The following RMDN2 variants were observed in gnomAD, a reference collection of about 807,000 sequenced individuals.
The protein encoded by RMDN2 is regulator of microtubule dynamics protein 2.
In RMDN2, 61 loss-of-function variants were observed where a neutral mutation model predicts 52.8. The observed-to-expected ratio is 1.16, with a 90% CI of 0.94 to 1.43. The LOEUF (loss-of-function observed/expected upper bound fraction) is 1.43, where lower values mean the gene tolerates loss of function less well. Among genes scored for constraint, RMDN2 ranks in the 40% most tolerant of loss-of-function variants. The probability of loss-of-function intolerance (pLI) is 0.00; values close to 1 mark genes in which losing one functional copy is unlikely to be tolerated. For missense variants in RMDN2, 592 were observed against 475.3 expected, an observed-to-expected ratio of 1.25 and a Z score of -2.28; for synonymous variants, 180 against 153.1, an observed-to-expected ratio of 1.18 and a Z score of -1.30.
At chr2:38,029,301 CT>C in intron 10 of RMDN2, 1 of 152,338 alleles carries the variant, frequency 6.6e-6, no homozygotes, top group Non-Finnish European at 1.5e-5. Context: ...TTGGGGCCAC[CT>C]TCCCCCATGC....
intron 10 of RMDN2, among the ~76,000 whole-genome samples, chr2:38,043,680 C>A (rs1416560785): frequency 6.6e-6 from 1 of 151,762 alleles, no homozygotes; most frequent in East Asian, 1.9e-4. Flanking sequence ...TGTGGTTGTC[C>A]TATGGTTTGC....
chr2:37,932,833 C>T (rs1241383428), intron 2 of RMDN2, among the ~76,000 whole-genome samples: 2 of 139,586 alleles, frequency 1.4e-5, no homozygotes, highest in African/African-American at 5.3e-5. Flanking sequence ...CCCGACCTCC[C>T]TCCCGGACGG....
chr2:37,936,933 A>G (rs1667344062), intron 2 of RMDN2, among the ~76,000 whole-genome samples: 1 of 152,120 alleles, frequency 6.6e-6, no homozygotes, highest in African/African-American at 2.4e-5. Context: ...TTTTGCTGCA[A>G]TTGCTTTTGG....
At chr2:38,031,689 C>G (rs115206771) in intron 10 of RMDN2, among the ~76,000 whole-genome samples, 2 of 152,134 alleles carry the variant, frequency 1.3e-5, no homozygotes, top group African/African-American at 2.4e-5. Flanking sequence ...ATTATCAACA[C>G]CTGGCTTCTT....
intron 10 of RMDN2, among the ~76,000 whole-genome samples, chr2:38,065,626 G>C (rs1303955659): frequency 3.9e-5 from 6 of 152,196 alleles, no homozygotes; most frequent in Non-Finnish European, 5.9e-5. Context: ...GTGCTCACGG[G>C]CTCTGAGAGA....
At chr2:38,014,056 C>T (rs1375182413) in intron 10 of RMDN2, among the ~76,000 whole-genome samples, 1 of 151,026 alleles carries the variant, frequency 6.6e-6, no homozygotes, top group Non-Finnish European at 1.5e-5. Flanking sequence ...AAAAAAAAAA[C>T]ACAAAATTAG....
intron 10 of RMDN2, among the ~76,000 whole-genome samples, chr2:38,007,574 C>T (rs369831744): frequency 1.1e-4 from 16 of 152,098 alleles, no homozygotes; most frequent in South Asian, 2.1e-4. Context: ...TTTTTTATTG[C>T]GTCTATTTGA....
At chr2:37,931,105 C>T (rs530107174) in intron 2 of RMDN2, among the ~76,000 whole-genome samples, 2 of 149,790 alleles carry the variant, frequency 1.3e-5, no homozygotes, top group South Asian at 2.1e-4. Flanking sequence ...TATTTTAAAA[C>T]CAGTCAACAA....
chr2:37,963,750 T>A (rs890634675), intron 2 of RMDN2, among the ~76,000 whole-genome samples: 1 of 152,322 alleles, frequency 6.6e-6, no homozygotes, highest in Non-Finnish European at 1.5e-5. Context: ...CTGATTTCTC[T>A]ATCTTTTCCC....
chr2:37,983,001 T>A (rs1443831581), intron 5 of RMDN2, among the ~76,000 whole-genome samples: 2 of 152,124 alleles, frequency 1.3e-5, no homozygotes, highest in Non-Finnish European at 2.9e-5. Context: ...GAAGTCCTAC[T>A]TTTAACTCTC....
At chr2:38,051,980 A>G (rs1681629681) in intron 10 of RMDN2, among the ~76,000 whole-genome samples, 1 of 152,214 alleles carries the variant, frequency 6.6e-6, no homozygotes, top group South Asian at 2.1e-4. Context: ...TGCAATAAAC[A>G]TGGTGCAGGT....
At chr2:37,998,916 C>T (rs1276279750) in intron 8 of RMDN2, among the ~76,000 whole-genome samples, 2 of 152,020 alleles carry the variant, frequency 1.3e-5, no homozygotes, top group African/African-American at 4.8e-5. Context: ...ATTTCTTCAC[C>T]CTTTTCCTAC....
At chr2:37,936,771 T>A (rs1175015600) in intron 2 of RMDN2, among the ~76,000 whole-genome samples, 1 of 152,258 alleles carries the variant, frequency 6.6e-6, no homozygotes, top group Non-Finnish European at 1.5e-5. Flanking sequence ...TTGTTTAAGT[T>A]CCTTGTAGAT....
intron 8 of RMDN2, among the ~76,000 whole-genome samples, chr2:38,002,301 T>C (rs1676423276): frequency 6.6e-6 from 1 of 152,126 alleles, no homozygotes; most frequent in South Asian, 2.1e-4. Context: ...CACAAGCATA[T>C]GGGAAAAAGT....
intron 2 of RMDN2, among the ~76,000 whole-genome samples, chr2:37,955,932 G>T (rs1036962641): frequency 6.6e-6 from 1 of 150,686 alleles, no homozygotes; most frequent in African/African-American, 2.4e-5. Flanking sequence ...CCTTCTAATG[G>T]GTTGTTGAAT....
intron 2 of RMDN2, among the ~76,000 whole-genome samples, chr2:37,936,992 G>A (rs1288487078): frequency 6.6e-6 from 1 of 152,144 alleles, no homozygotes; most frequent in African/African-American, 2.4e-5. Flanking sequence ...GAATGATATT[G>A]CCCAGGTTTT....
chr2:37,987,015 G>C (rs981975625), intron 5 of RMDN2, among the ~76,000 whole-genome samples: 1 of 151,974 alleles, frequency 6.6e-6, no homozygotes, highest in Non-Finnish European at 1.5e-5. Context: ...AAGGTATGCA[G>C]ATTGGGAGGG....
intron 10 of RMDN2, among the ~76,000 whole-genome samples, chr2:38,040,642 C>A (rs1030618957): frequency 6.6e-6 from 1 of 152,164 alleles, no homozygotes; most frequent in Non-Finnish European, 1.5e-5. Context: ...CTAAGACAGT[C>A]CTGAAGTCAG....
In RMDN2 at chr2:37,929,792, G is replaced by T. The variant is rs1397234686; in HGVS notation, c.452+63G>T. ...TATTATCATTATTACTATTATTTAGGTATTTTCATTATGGGTTCCAGTCAT... is the reference window on the plus strand; with the variant it reads ...TATTATCATTATTACTATTATTTAGTTATTTTCATTATGGGTTCCAGTCAT... On this transcript the variant is annotated intron_variant, in intron 2 of 10. Coordinates refer to ENST00000354545, the MANE Select transcript of RMDN2 (RefSeq NM_001170791.3). The T allele has an allele frequency of 2.6e-6, 3 of 1,150,582 alleles. No homozygotes were observed. In the African/African-American group the frequency reaches 4.7e-5, roughly 18 times the overall value. 71.3% of individuals were successfully genotyped at this position (1,150,582 alleles called of 1,614,324 possible). A position where few individuals can be genotyped will look rare whatever the true frequency, so the allele number is the denominator to read the frequency against.
Sources: allele counts gnomAD v4.1 joint callset (sites outside exome capture counted in the v4.1 genomes callset), GRCh38; gene constraint gnomAD v4.1.1; transcripts MANE v1.5; gene names NCBI Gene and HGNC (gene_info 2026-07-23, HGNC 2026-07-21).